CDH12: variants seen among roughly 807,000 people sequenced by gnomAD.
CDH12 encodes the protein cadherin-12.
Under a neutral mutation model 74.1 loss-of-function variants are expected in CDH12, and 41 were observed. The observed-to-expected ratio is 0.55, with a 90% confidence interval of 0.43 to 0.72. The LOEUF is 0.72. Ranked by LOEUF, CDH12 falls within the 30% of genes least tolerant of loss-of-function variation. The pLI is 0.00. For synonymous variants in CDH12, 399 were observed against 355.0 expected (o/e 1.12, Z -1.39); for missense variants, 945 against 977.2 (o/e 0.97, Z 0.44).
At chr5:22,272,298 A>T (rs1736434893) in intron 3 of CDH12, among the ~76,000 whole-genome samples, 2 of 152,072 alleles carry the variant, frequency 1.3e-5, no homozygotes, top group Non-Finnish European at 2.9e-5. Flanking sequence ...CTAACCTCTC[A>T]CAGAACTGAA....
In CDH12 at chr5:22,590,213, C is replaced by T. The variant is rs200128206; in HGVS notation, c.-522-84849G>A. ...ATTAGTCTTCAGGTAGCAGAATAGG[C>T]CATCTCGTTAAATATGCACTCTTTC... On this transcript the variant is annotated intron_variant, in intron 1 of 14. Transcript: ENST00000382254. 6.6e-5 allele frequency among the ~76,000 whole-genome samples: 10 copies of T among 152,132 alleles called. No individual in the cohort carries two copies. The East Asian group carries it at 1.9e-3, about 29-fold the overall frequency.
intron 1 of CDH12, among the ~76,000 whole-genome samples, chr5:22,768,313 T>C (rs576221760): frequency 6.6e-6 from 1 of 152,196 alleles, no homozygotes; most frequent in Non-Finnish European, 1.5e-5. Flanking sequence ...TATAATGTAT[T>C]CCAAAATAAA....
intron 3 of CDH12, among the ~76,000 whole-genome samples, chr5:22,259,950 A>T (rs1427908978): frequency 1.3e-5 from 2 of 152,074 alleles, no homozygotes; most frequent in African/African-American, 4.8e-5. Flanking sequence ...ACCATACTGA[A>T]GAAAAAGGGC....
chr5:22,702,631 T>C (rs1394438005), intron 1 of CDH12, among the ~76,000 whole-genome samples: 2 of 152,022 alleles, frequency 1.3e-5, no homozygotes, highest in Non-Finnish European at 2.9e-5. Flanking sequence ...AAAGTGAATA[T>C]AGATATTTTT....
At chr5:21,871,613 A>G (rs2150019670) in intron 6 of CDH12, among the ~76,000 whole-genome samples, 1 of 152,210 alleles carries the variant, frequency 6.6e-6, no homozygotes, top group African/African-American at 2.4e-5. Flanking sequence ...CACGCCTGTA[A>G]TCCCACCTAC....
chr5:21,778,784 T>C (rs375854327), intron 11 of CDH12, among the ~76,000 whole-genome samples: 1 of 152,128 alleles, frequency 6.6e-6, no homozygotes, highest in Admixed American at 6.6e-5. Flanking sequence ...TGCTCATAGA[T>C]AGTACTCTAT....
chr5:22,075,764 G>T (rs1244800314), intron 5 of CDH12, among the ~76,000 whole-genome samples: 1 of 152,060 alleles, frequency 6.6e-6, no homozygotes, highest in Non-Finnish European at 1.5e-5. Flanking sequence ...GGAGAAGTCA[G>T]TTCTCCTAAC....
intron 2 of CDH12, among the ~76,000 whole-genome samples, chr5:22,458,133 C>T (rs1302140167): frequency 6.6e-6 from 1 of 151,904 alleles, no homozygotes; most frequent in Non-Finnish European, 1.5e-5. Context: ...ACCCGCCTTG[C>T]CCTCCCAAAG....
intron 6 of CDH12, among the ~76,000 whole-genome samples, chr5:21,860,016 A>G (rs1378695872): frequency 6.8e-6 from 1 of 147,820 alleles, no homozygotes; most frequent in East Asian, 2.0e-4. Flanking sequence ...TCCACCAGGT[A>G]AAAAAAAAAC....
intron 5 of CDH12, among the ~76,000 whole-genome samples, chr5:21,981,844 T>A (rs1053641079): frequency 4.6e-5 from 7 of 152,078 alleles, no homozygotes; most frequent in Non-Finnish European, 1.0e-4. Context: ...AATTTTTCTA[T>A]TTTTTTATTT....
chr5:22,133,565 C>T (rs1746290447), intron 4 of CDH12, among the ~76,000 whole-genome samples: 1 of 152,038 alleles, frequency 6.6e-6, no homozygotes, highest in African/African-American at 2.4e-5. Flanking sequence ...TTTTAACTAC[C>T]TCATGAAATT....
intron 1 of CDH12, among the ~76,000 whole-genome samples, chr5:22,773,125 TA>T (rs1746899475): frequency 6.6e-6 from 1 of 152,100 alleles, no homozygotes; most frequent in African/African-American, 2.4e-5. Context: ...ATTACCAATA[TA>T]ATTCTTCATA....
At chr5:22,282,478 T>A (rs1056353263) in intron 3 of CDH12, among the ~76,000 whole-genome samples, 13 of 151,800 alleles carry the variant, frequency 8.6e-5, no homozygotes, top group Non-Finnish European at 1.6e-4. Context: ...TGGGAGAAAA[T>A]TTTTGCAATC....
chr5:22,588,537 TG>T (rs1740525628), intron 1 of CDH12, among the ~76,000 whole-genome samples: 1 of 152,146 alleles, frequency 6.6e-6, no homozygotes. Flanking sequence ...GGTTAATGGT[TG>T]AAGTTGCAAC....
At chr5:21,972,696 T>G (rs1256560596) in intron 6 of CDH12, among the ~76,000 whole-genome samples, 2 of 152,146 alleles carry the variant, frequency 1.3e-5, no homozygotes, top group African/African-American at 4.8e-5. Context: ...TCCTTGTTTT[T>G]TGTTTTATGT....
intron 1 of CDH12, among the ~76,000 whole-genome samples, chr5:22,657,178 T>C: frequency 6.6e-6 from 1 of 152,196 alleles, no homozygotes; most frequent in East Asian, 1.9e-4. Context: ...CTCAGGATTC[T>C]ATTTACGTGA....
intron 6 of CDH12, among the ~76,000 whole-genome samples, chr5:21,875,134 T>C (rs1751861239): frequency 6.6e-6 from 1 of 152,224 alleles, no homozygotes; most frequent in South Asian, 2.1e-4. Flanking sequence ...TTGGTGGGCA[T>C]GTAAATTAGT....
intron 14 of CDH12, 60 bp downstream of exon 14, chr5:21,755,530 GA>G (rs1470163267): frequency 2.7e-5 from 39 of 1,466,058 alleles, no homozygotes; most frequent in Admixed American, 2.1e-4. Context: ...GGAGGAGAGA[GA>G]GGGGAAAAAA....
intron 11 of CDH12, among the ~76,000 whole-genome samples, chr5:21,779,006 T>A (rs1410935926): frequency 6.6e-6 from 1 of 152,220 alleles, no homozygotes; most frequent in Non-Finnish European, 1.5e-5. Context: ...ATATGTAAAC[T>A]TTTTTCAATA....
Sources: gnomAD v4.1 joint callset for allele counts (sites outside exome capture counted in the v4.1 genomes callset) on GRCh38, gnomAD v4.1.1 for gene constraint, MANE v1.5 for transcripts, NCBI Gene and HGNC (gene_info 2026-07-23, HGNC 2026-07-21) for gene names.